Variants in KAZN observed in about 807,000 individuals in gnomAD.
KAZN encodes the protein kazrin, periplakin interacting protein, also known as kazrin.
Under a neutral mutation model 87.4 loss-of-function variants are expected in KAZN, and 40 were observed. The observed-to-expected ratio is 0.46, with a 90% CI of 0.36 to 0.60. The LOEUF is 0.60. KAZN is among the 20% of genes least tolerant of loss of function. The pLI is 0.00. For missense variants in KAZN, 898 were observed against 1,073.9 expected (o/e 0.84, Z 2.29); for synonymous variants, 466 against 458.3 (o/e 1.02, Z -0.22).
At chr1:15,040,416 C>T (rs4661315) in intron 3 of KAZN, among the ~76,000 whole-genome samples, 2 of 151,990 alleles carry the variant, frequency 1.3e-5, no homozygotes, top group South Asian at 2.1e-4. Flanking sequence ...TACTGGGAGT[C>T]GGGGGATGGC....
At chr1:14,809,467 G>A (rs1308335981) in intron 1 of KAZN, among the ~76,000 whole-genome samples, 1 of 152,156 alleles carries the variant, frequency 6.6e-6, no homozygotes, top group Non-Finnish European at 1.5e-5. Flanking sequence ...ATCACTTCCT[G>A]CTTTTGATTT....
intron 1 of KAZN, among the ~76,000 whole-genome samples, chr1:14,851,780 T>G (rs1208804383): frequency 6.6e-6 from 1 of 152,144 alleles, no homozygotes; most frequent in Non-Finnish European, 1.5e-5. Context: ...ATAGACATGC[T>G]TAAGGGATGT....
intron 1 of KAZN, among the ~76,000 whole-genome samples, chr1:14,144,122 T>C (rs187432020): frequency 1.3e-5 from 2 of 152,354 alleles, no homozygotes; most frequent in East Asian, 3.9e-4. Context: ...CTCTTGTTTT[T>C]ACTTTCCCTT....
At chr1:15,004,712 T>C (rs1335984215) in intron 2 of KAZN, among the ~76,000 whole-genome samples, 1 of 152,168 alleles carries the variant, frequency 6.6e-6, no homozygotes, top group Non-Finnish European at 1.5e-5. Flanking sequence ...CTTGCCCTTT[T>C]TTATCGGATC....
intron 2 of KAZN, among the ~76,000 whole-genome samples, chr1:14,443,844 G>A (rs1026151603): frequency 4.6e-5 from 7 of 152,170 alleles, no homozygotes; most frequent in Admixed American, 4.6e-4. Context: ...TAATTTTATA[G>A]CAGGATTGTT....
At chr1:14,211,384 C>G (rs1646849873) in intron 2 of KAZN, among the ~76,000 whole-genome samples, 1 of 152,116 alleles carries the variant, frequency 6.6e-6, no homozygotes, top group African/African-American at 2.4e-5. Flanking sequence ...CCACACCCAG[C>G]TAATTTTGTT....
chr1:15,049,274 G>A (rs1342930895), intron 4 of KAZN, among the ~76,000 whole-genome samples: 2 of 152,240 alleles, frequency 1.3e-5, no homozygotes, highest in Non-Finnish European at 2.9e-5. Context: ...TCCTGTCCCT[G>A]GGAGCCCGGC....
At chr1:14,596,310 A>G (rs9429260), upstream of KAZN, among the ~76,000 whole-genome samples, 1,729 of 8,164 alleles carry the variant, frequency 0.21, 32 homozygotes, top group African/African-American at 0.46. Flanking sequence ...ACGTGTGCGC[A>G]CACACACACA....
intron 1 of KAZN, among the ~76,000 whole-genome samples, chr1:14,678,745 C>T (rs1640392039): frequency 6.6e-6 from 1 of 152,186 alleles, no homozygotes; most frequent in African/African-American, 2.4e-5. Context: ...CACCTTTACT[C>T]AGCAAGCCTT....
chr1:14,727,505 G>GTTTTTTTTT (rs1643454373), intron 1 of KAZN, among the ~76,000 whole-genome samples: 3 of 80,356 alleles, frequency 3.7e-5, no homozygotes, highest in Non-Finnish European at 6.9e-5. Context: ...TTGAGAAAGA[G>GTTTTTTTTT]TTTTGCTCTT....
chr1:14,332,011 T>C (rs1183521385), intron 2 of KAZN, among the ~76,000 whole-genome samples: 1 of 152,222 alleles, frequency 6.6e-6, no homozygotes, highest in Admixed American at 6.5e-5. Context: ...ACAGAGTTTC[T>C]GTAAAGGGCC....
intron 1 of KAZN, among the ~76,000 whole-genome samples, chr1:14,117,661 C>A (rs1427210532): frequency 6.6e-6 from 1 of 152,042 alleles, no homozygotes; most frequent in East Asian, 1.9e-4. Context: ...CAGGCATAAC[C>A]CAGATCTGAA....
intron 2 of KAZN, among the ~76,000 whole-genome samples, chr1:14,392,487 G>A (rs1662534896): frequency 6.6e-6 from 1 of 152,122 alleles, no homozygotes; most frequent in African/African-American, 2.4e-5. Context: ...CAGACCCTGT[G>A]GAGGGTGCTG....
Position 13,984,967 on chromosome 1 carries a change from G to A in KAZN, c.91+91211G>A, listed in dbSNP as rs116419303. On this transcript the variant is annotated intron_variant, in intron 1 of 16. Coordinates refer to the KAZN transcript ENST00000636203. Reference sequence around the variant, plus strand: ...AATAAATATAATTTCTCTCATTTTGGGTATGGAAAAATAAACACTAAAAAT... The same window carrying A: ...AATAAATATAATTTCTCTCATTTTGAGTATGGAAAAATAAACACTAAAAAT... Among the ~76,000 whole-genome samples the A allele has an allele frequency of 5.5e-3, 841 of 151,630 alleles. 9 individuals are homozygous for A. Among genetic ancestry groups the A allele is most frequent in the African/African-American group, 0.02 (806 of 41,330 alleles).
At chr1:15,041,125 ATTTT>A (rs376156652) in intron 3 of KAZN, among the ~76,000 whole-genome samples, 48,821 of 138,912 alleles carry the variant, frequency 0.35, 8,600 homozygotes, top group African/African-American at 0.46. Context: ...GAATTTTTGT[ATTTT>A]TTTTTTTTTT....
chr1:14,830,958 C>A (rs1647033164), intron 1 of KAZN, among the ~76,000 whole-genome samples: 1 of 152,224 alleles, frequency 6.6e-6, no homozygotes, highest in Admixed American at 6.5e-5. Flanking sequence ...TCAGGATGTG[C>A]CTGTTCCCCC....
At position 14,943,810 on chromosome 1, in the gene KAZN, G is replaced by A. The variant is rs977178000; in HGVS notation, c.227-16874G>A. Among the ~76,000 whole-genome samples the A allele has an allele frequency of 3.9e-5, 6 of 152,342 alleles. No homozygotes were observed. The East Asian group carries it at 7.7e-4, about 20-fold the overall frequency. ...AGTTGAGCCGGGCACAGTGGCTCACGCCTGTAATCCCACCACTTTGGGAGG... is the reference window on the plus strand; with the variant it reads ...AGTTGAGCCGGGCACAGTGGCTCACACCTGTAATCCCACCACTTTGGGAGG... On this transcript the variant is annotated intron_variant, in intron 1 of 14. Transcript: ENST00000376030.
chr1:14,069,727 C>T (rs1262869270), intron 1 of KAZN, among the ~76,000 whole-genome samples: 2 of 152,228 alleles, frequency 1.3e-5, no homozygotes, highest in African/African-American at 2.4e-5. Flanking sequence ...AGGGCAGGGG[C>T]TATTTTGGAG....
chr1:14,264,861 A>T (rs1557603201), intron 2 of KAZN, among the ~76,000 whole-genome samples: 1 of 152,342 alleles, frequency 6.6e-6, no homozygotes, highest in East Asian at 1.9e-4. Flanking sequence ...AGATTGGGAC[A>T]GTATAGGTAG....
Sources: allele counts gnomAD v4.1 joint callset (sites outside exome capture counted in the v4.1 genomes callset), GRCh38; gene constraint gnomAD v4.1.1; transcripts MANE v1.5; gene names NCBI Gene and HGNC (gene_info 2026-07-23, HGNC 2026-07-21).